Variants in ORC1 observed in about 807,000 individuals in gnomAD.
ORC1 encodes the protein origin recognition complex subunit 1.
ORC1 carries 61 observed loss-of-function variants against 98.9 expected under a neutral mutation model. The ratio of observed to expected loss-of-function variants is 0.62; its 90% CI spans 0.50 to 0.76. The LOEUF is 0.76. ORC1 is among the 30% of genes least tolerant of loss of function. The probability of loss-of-function intolerance (pLI) is 0.00; values close to 1 mark genes in which losing one functional copy is unlikely to be tolerated. For synonymous variants in ORC1, 385 were observed against 406.9 expected, an observed-to-expected ratio of 0.95 and a Z score of 0.65; for missense variants, 979 against 1,072.2, an observed-to-expected ratio of 0.91 and a Z score of 1.21.
At chr1:52,394,065 T>C (rs888744516) in intron 5 of ORC1, among the ~76,000 whole-genome samples, 2 of 152,222 alleles carry the variant, frequency 1.3e-5, no homozygotes, top group African/African-American at 4.8e-5. Flanking sequence ...TGTTTTCTCA[T>C]CTCTAACAGG....
chr1:52,393,061 G>T (rs1647256958), intron 6 of ORC1, among the ~76,000 whole-genome samples: 1 of 152,092 alleles, frequency 6.6e-6, no homozygotes, highest in Non-Finnish European at 1.5e-5. Flanking sequence ...GAAATAAAAT[G>T]AAACAACAAC....
At chr1:52,390,663 G>T (rs1244348862) in intron 6 of ORC1, among the ~76,000 whole-genome samples, 1 of 151,918 alleles carries the variant, frequency 6.6e-6, no homozygotes, top group African/African-American at 2.4e-5. Context: ...AGCCGAGGTG[G>T]GTGGATCACC....
upstream of ORC1, among the ~76,000 whole-genome samples, chr1:52,405,463 G>C (rs1647953422): frequency 6.6e-6 from 1 of 152,108 alleles, no homozygotes; most frequent in African/African-American, 2.4e-5. Flanking sequence ...TGTTAAAAAA[G>C]GTTAAGTGAG....
intron 11 of ORC1, among the ~76,000 whole-genome samples, chr1:52,384,235 T>C (rs1647111703): frequency 1.3e-5 from 2 of 152,220 alleles, no homozygotes; most frequent in African/African-American, 2.4e-5. Context: ...TAACAGCCCA[T>C]GGACAAAGAG....
In ORC1 at chr1:52,375,453, T is replaced by C; in HGVS notation, c.2280A>G (p.Ser760=). ...HSMEAVDEMF[S]SSYITAIKNS... ...ACTTGATGGCCGTGATGTATGATGA[T>C]GAAAACATCTCATCCACAGCTTCCA... Residue 760 remains serine (S), a synonymous_variant, in exon 15 of 17, where the codon TCA becomes TCG. Transcript: ENST00000371568. The C allele has an allele frequency of 6.2e-7, 1 of 1,614,134 alleles. No individual in the cohort carries two copies. The highest frequency in any genetic ancestry group is 8.5e-7 in the Non-Finnish European group (1 of 1,180,030).
intron 1 of ORC1, 93 bp from the exon 2 acceptor site, chr1:52,402,321 A>C (rs1170889632): frequency 1.1e-6 from 1 of 916,696 alleles, no homozygotes; most frequent in East Asian, 2.5e-5. Context: ...CCTTCAAATG[A>C]GATCAGACTT....
intron 14 of ORC1, among the ~76,000 whole-genome samples, chr1:52,381,188 G>A (rs111515328): frequency 0.013 from 1,960 of 152,282 alleles, 22 homozygotes; most frequent in Middle Eastern, 0.02. Context: ...CTAGCCTGGA[G>A]AGTGTGCCTT....
intron 8 of ORC1, 131 bp from the exon 9 acceptor site, chr1:52,386,080 G>A (rs1243622649): frequency 1.4e-6 from 1 of 733,188 alleles, no homozygotes; most frequent in Non-Finnish European, 2.5e-6. Context: ...TTCCTTCCTG[G>A]ATAAAGGACC....
At chr1:52,400,017 TAA>T (rs1275508788) in intron 3 of ORC1, among the ~76,000 whole-genome samples, 21 of 152,194 alleles carry the variant, frequency 1.4e-4, no homozygotes, top group Admixed American at 1.3e-3. Context: ...AGAGAAAGAC[TAA>T]AGTCATCCAA....
rs1447765599 is a variant in ORC1 at position 52,397,672 on chromosome 1, T to C, written c.402+13A>G. On this transcript the variant is annotated intron_variant, in intron 4 of 16. Coordinates refer to ENST00000371568, the MANE Select transcript of ORC1 (RefSeq NM_004153.4). ...AGCTTCAAGGTAGAACCAAGGATGG[T>C]GGCATCACCTACCCGAACAAGGCCA... 2 of 1,613,532 alleles carry C rather than the reference T, an allele frequency of 1.2e-6. No individual in the cohort carries two copies. Among genetic ancestry groups the C allele is most frequent in the South Asian group, 1.1e-5 (1 of 91,078 alleles).
intron 6 of ORC1, among the ~76,000 whole-genome samples, chr1:52,391,234 G>A (rs1233092578): frequency 8.6e-5 from 13 of 150,788 alleles, no homozygotes; most frequent in African/African-American, 2.4e-4. Flanking sequence ...GCTTGAACCC[G>A]GGAGGCAGAG....
upstream of ORC1, among the ~76,000 whole-genome samples, chr1:52,407,219 G>T (rs183281561): frequency 6.6e-6 from 1 of 152,112 alleles, no homozygotes; most frequent in Non-Finnish European, 1.5e-5. Context: ...GCATTTCACC[G>T]CGTTAGCCAG....
In ORC1 at chr1:52,393,704, G is replaced by C; in HGVS notation, c.821C>G (p.Pro274Arg). The C allele has an allele frequency of 6.2e-7, 1 of 1,614,054 alleles. No individual in the cohort carries two copies. The change falls in exon 6 of 17, where the codon CCT becomes CGT. Residue 274 changes from proline to arginine, a missense_variant. Physicochemically the swap from Pro to Arg is moderately radical, Grantham distance 103. Transcript: ENST00000371568. ...TTTATCAGGCTGAGATCTCTTAGAA[G>C]GTGAGGTGATCTCCGAGAAGGCCAC... Reference protein sequence around the residue: ...RKVAFSEITSPSKRSQPDKLQ... With the variant: ...RKVAFSEITSRSKRSQPDKLQ...
upstream of ORC1, chr1:52,404,709 A>T: frequency 2.5e-6 from 4 of 1,603,040 alleles, no homozygotes; most frequent in Non-Finnish European, 3.4e-6. Flanking sequence ...GATGTGAGGC[A>T]TTAAAGGATC....
At chr1:52,384,762 A>G in intron 10 of ORC1, 41 bp from the exon 11 acceptor site, 1 of 1,537,076 alleles carries the variant, frequency 6.5e-7, no homozygotes, top group East Asian at 2.3e-5. Flanking sequence ...GGTCTCAGCC[A>G]GCCACTACAC....
chr1:52,375,587 A>G lies in ORC1; in HGVS notation c.2146T>C (p.Ser716Pro). 1 of 1,613,962 alleles carries G rather than the reference A, an allele frequency of 6.2e-7. No individual in the cohort carries two copies. The highest frequency in any genetic ancestry group is 8.5e-7 in the Non-Finnish European group (1 of 1,180,020). The change falls in exon 15 of 17, where the codon TCT becomes CCT. Residue 716 changes from serine (S) to proline (P), a missense_variant. Ser to Pro is a moderately conservative substitution (Grantham distance 74). Coordinates refer to ENST00000371568, the MANE Select transcript of ORC1 (RefSeq NM_004153.4). The stretch of plus-strand genomic sequence containing the variant: ...TCCAGGCACCGTCGTGCATCTCCAG[A>G]CAGTGCTGCTACCTACAAGAGGGAA... ...QLVARKVAALSGDARRCLDIC... is the reference protein window; with the variant it reads ...QLVARKVAALPGDARRCLDIC...
At chr1:52,392,416 C>T (rs914775766) in intron 6 of ORC1, among the ~76,000 whole-genome samples, 1 of 152,044 alleles carries the variant, frequency 6.6e-6, no homozygotes, top group African/African-American at 2.4e-5. Context: ...GAGTGAGCCA[C>T]CGCGCCCAGC....
chr1:52,388,153 CAA>C (rs1382757900), intron 8 of ORC1, among the ~76,000 whole-genome samples: 1 of 152,184 alleles, frequency 6.6e-6, no homozygotes, highest in East Asian at 1.9e-4. Flanking sequence ...GTGGGAAATG[CAA>C]AGAGGAGTGG....
intron 7 of ORC1, 119 bp downstream of exon 7, chr1:52,389,098 A>G: frequency 1.3e-6 from 1 of 786,750 alleles, no homozygotes; most frequent in African/African-American, 1.7e-5. Flanking sequence ...CAGACATGCT[A>G]GGTAAAAGGT....
Sources: gnomAD v4.1 joint callset for allele counts (sites outside exome capture counted in the v4.1 genomes callset) on GRCh38, gnomAD v4.1.1 for gene constraint, MANE v1.5 for transcripts, NCBI Gene and HGNC (gene_info 2026-07-23, HGNC 2026-07-21) for gene names.